The following CCNB3 variants were observed in gnomAD, a reference collection of about 807,000 sequenced individuals.
CCNB3 encodes cyclin B3.
CCNB3 carries 12 observed loss-of-function variants against 68.0 expected under a neutral mutation model. The observed-to-expected ratio is 0.18, with a 90% confidence interval of 0.11 to 0.29. The LOEUF (loss-of-function observed/expected upper bound fraction) is 0.29, where lower values mean the gene tolerates loss of function less well. Ranked by LOEUF, CCNB3 falls within the 10% of genes least tolerant of loss-of-function variation. The pLI, the probability that CCNB3 is intolerant of heterozygous loss-of-function variation, is 1.00. For missense variants in CCNB3, 904 were observed against 993.1 expected, an observed-to-expected ratio of 0.91 and a Z score of 1.21; for synonymous variants, 354 against 388.9, an observed-to-expected ratio of 0.91 and a Z score of 1.06.
chrX:50,225,555 C>T lies in CCNB3; in HGVS notation c.-113+20605C>T, dbSNP rs931806209. 2.6e-4 allele frequency among the ~76,000 whole-genome samples: 29 copies of T among 110,122 alleles called. 1 individual carries two copies. The highest frequency in any genetic ancestry group is 2.0e-3 in the Admixed American group (20 of 10,153). Reference sequence around the variant, plus strand: ...ATCAGAGAAAGGTAAATTTTGGAAACGGGAAAAAAGCTTTGAGGCTCTTGA... The same window carrying T: ...ATCAGAGAAAGGTAAATTTTGGAAATGGGAAAAAAGCTTTGAGGCTCTTGA... On this transcript the variant is annotated intron_variant, in intron 1 of 12. Coordinates refer to ENST00000376042, the MANE Select transcript of CCNB3 (RefSeq NM_033031.3).
intron 8 of CCNB3, among the ~76,000 whole-genome samples, chrX:50,322,778 C>G (rs1922094626): frequency 9.0e-6 from 1 of 111,716 alleles, no homozygotes; most frequent in African/African-American, 3.3e-5. Flanking sequence ...AGACACTTCT[C>G]AAAAGAAGAC....
intron 8 of CCNB3, among the ~76,000 whole-genome samples, chrX:50,328,251 T>G (rs73495669): frequency 0.023 from 2,596 of 112,101 alleles, 65 homozygotes; most frequent in African/African-American, 0.081. Flanking sequence ...GTCACATTGC[T>G]ATAAAGAAAT....
rs1569543768 is a variant in CCNB3, at chrX:50,351,698, C to T, written c.4183C>T (p.Leu1395Phe). 1.7e-6 allele frequency: 2 copies of T among 1,201,586 alleles called. No homozygotes were observed. Among genetic ancestry groups the T allele is most frequent in the Non-Finnish European group, 2.3e-6 (2 of 886,538 alleles). Residue 1395 changes from leucine (L) to phenylalanine (F), a missense_variant, in exon 13 of 13, where the codon CTC (leucine) becomes TTC (phenylalanine). Around this residue, in one of 2 missense-constraint regions of CCNB3, gnomAD observed 285 missense variants for 383.4 expected, o/e 0.74. Transcript: ENST00000376042. ...TGATTGTGAGGCTCAGGGCCTGGTACTCTAGCAGCAGCCACAGGGCTAAGC... is the reference window on the plus strand; with the variant it reads ...TGATTGTGAGGCTCAGGGCCTGGTATTCTAGCAGCAGCCACAGGGCTAAGC... ...NCDCEAQGLV[L>F]
At chrX:50,335,686 G>A (rs1232376796) in intron 8 of CCNB3, among the ~76,000 whole-genome samples, 1 of 111,753 alleles carries the variant, frequency 8.9e-6, no homozygotes, top group Non-Finnish European at 1.9e-5. Context: ...CCATCGCTTA[G>A]CTAGAGCTGG....
chrX:50,309,237 C>T lies in CCNB3; in HGVS notation c.1068C>T (p.Asn356=), dbSNP rs372034679. 2.4e-5 allele frequency: 29 copies of T among 1,208,925 alleles called. No homozygotes were observed. Among genetic ancestry groups the T allele is most frequent in the Non-Finnish European group, 3.2e-5 (29 of 894,665 alleles). ...AATCATTGGCCTTGCAGAAGACCAA[C>T]TTTAAAGAGGATTCCCTTGTTAAGG... ...LKKSLALQKT[N]FKEDSLVKES... is the part of the protein sequence containing the mutation. The change falls in exon 6 of 13, where the codon AAC becomes AAT. Residue 356 remains asparagine, a synonymous_variant. Coordinates refer to ENST00000376042, the MANE Select transcript of CCNB3 (RefSeq NM_033031.3).
At chrX:50,330,550 T>A (rs1395861222) in intron 8 of CCNB3, among the ~76,000 whole-genome samples, 1 of 112,123 alleles carries the variant, frequency 8.9e-6, no homozygotes, top group Non-Finnish European at 1.9e-5. Context: ...TCGATAGTGA[T>A]TCATATAGAA....
intron 1 of CCNB3, among the ~76,000 whole-genome samples, chrX:50,206,444 G>A (rs1204824884): frequency 9.3e-6 from 1 of 107,128 alleles, no homozygotes; most frequent in Non-Finnish European, 1.9e-5. Context: ...AATTAGCAGT[G>A]TGTTGTGGTG....
intron 1 of CCNB3, among the ~76,000 whole-genome samples, chrX:50,210,599 C>T (rs1004891094): frequency 1.8e-5 from 2 of 111,005 alleles, no homozygotes; most frequent in African/African-American, 3.3e-5. Context: ...ATGACCTTTA[C>T]GAGAATATAT....
intron 5 of CCNB3, among the ~76,000 whole-genome samples, chrX:50,305,136 C>T (rs1936734467): frequency 9.0e-6 from 1 of 111,647 alleles, no homozygotes; most frequent in African/African-American, 3.3e-5. Context: ...ACCATTTGAC[C>T]CAGCCATCCC....
intron 1 of CCNB3, among the ~76,000 whole-genome samples, chrX:50,211,140 G>A (rs1935475770): frequency 9.0e-6 from 1 of 110,826 alleles, no homozygotes; most frequent in African/African-American, 3.3e-5. Context: ...GCGGTCACCT[G>A]TAATCCCAGC....
At chrX:50,300,867 C>T (rs1936613972) in intron 5 of CCNB3, among the ~76,000 whole-genome samples, 1 of 111,635 alleles carries the variant, frequency 9.0e-6, no homozygotes, top group Non-Finnish European at 1.9e-5. Flanking sequence ...TCTCTTCATG[C>T]TTCATTTCAT....
intron 8 of CCNB3, among the ~76,000 whole-genome samples, chrX:50,314,382 T>C (rs1921620226): frequency 9.0e-6 from 1 of 111,242 alleles, no homozygotes; most frequent in Non-Finnish European, 1.9e-5. Context: ...AGGTGAGATA[T>C]TGAGGGAATA....
At chrX:50,203,807 A>G (rs915799212), upstream of CCNB3, among the ~76,000 whole-genome samples, 2 of 111,876 alleles carry the variant, frequency 1.8e-5, no homozygotes, top group Non-Finnish European at 1.9e-5. Flanking sequence ...GGGTTCTTTT[A>G]TAGGCAGGGG....
rs936932262 is a variant in CCNB3 at position 50,307,220 on chromosome X, T to C, written c.336-1285T>C. ...GAATTTGTCCATTTCATCTCAATTA[T>C]CTAATTTATTGACATTCAATTGTTC... On this transcript the variant is annotated intron_variant, in intron 5 of 12. Coordinates refer to ENST00000376042, the MANE Select transcript of CCNB3 (RefSeq NM_033031.3). 3.6e-5 allele frequency among the ~76,000 whole-genome samples: 4 copies of C among 112,035 alleles called. No individual in the cohort carries two copies. In the Admixed American group the frequency reaches 3.8e-4, roughly 11 times the overall value.
intron 1 of CCNB3, among the ~76,000 whole-genome samples, chrX:50,215,268 C>A (rs951938759): frequency 5.4e-5 from 6 of 110,750 alleles, no homozygotes; most frequent in African/African-American, 2.0e-4. Context: ...GGATTACAGG[C>A]ATGAGCCACC....
At chrX:50,225,990 T>G (rs984705931) in intron 1 of CCNB3, among the ~76,000 whole-genome samples, 3,099 of 92,761 alleles carry the variant, frequency 0.033, 158 homozygotes, top group African/African-American at 0.12. Flanking sequence ...ATATATAGAA[T>G]GTATATATAA....
chrX:50,329,057 G>T (rs1178232256), intron 8 of CCNB3, among the ~76,000 whole-genome samples: 2 of 112,759 alleles, frequency 1.8e-5, no homozygotes, highest in Admixed American at 1.9e-4. Context: ...CTCTGCCCCT[G>T]TGACTTTATG....
At position 50,346,808 on chromosome X, in the gene CCNB3, G is replaced by T; in HGVS notation, c.3810+1G>T. On this transcript the variant is annotated splice_donor_variant, in intron 10 of 12. Coordinates refer to ENST00000376042, the MANE Select transcript of CCNB3 (RefSeq NM_033031.3). LOFTEE classifies it high-confidence loss of function. ...CCATTTTCTGCGCAGATATGCTAGG[G>T]TAAGAGAGAAGAGACACATCTTCAT... is the stretch of plus-strand genomic sequence containing the variant. 8.3e-7 allele frequency: 1 copy of T among 1,207,702 alleles called. No homozygotes were observed. The highest frequency in any genetic ancestry group is 1.1e-6 in the Non-Finnish European group (1 of 893,332).
intron 1 of CCNB3, among the ~76,000 whole-genome samples, chrX:50,224,577 C>G (rs2146989919): frequency 8.9e-6 from 1 of 111,760 alleles, no homozygotes; most frequent in African/African-American, 3.2e-5. Flanking sequence ...AGAAATGAAA[C>G]TGCTTCTTTT....
Sources: allele counts gnomAD v4.1 joint callset (sites outside exome capture counted in the v4.1 genomes callset), GRCh38; gene constraint gnomAD v4.1.1; regional missense constraint gnomAD v4.1.1; transcripts MANE v1.5; gene names NCBI Gene and HGNC (gene_info 2026-07-23, HGNC 2026-07-21).